DMD: variants seen among roughly 807,000 people sequenced by gnomAD.
The protein encoded by DMD is dystrophin.
Under a neutral mutation model 330.1 loss-of-function variants are expected in DMD, and 63 were observed. That is an observed-to-expected ratio of 0.19 (90% CI 0.16 to 0.24). The LOEUF is 0.24. Ranked by LOEUF, DMD falls within the 10% of genes least tolerant of loss-of-function variation. The probability of loss-of-function intolerance (pLI) is 1.00; values close to 1 mark genes in which losing one functional copy is unlikely to be tolerated. For synonymous variants in DMD, 1,223 were observed against 959.8 expected, an observed-to-expected ratio of 1.27 and a Z score of -5.07; for missense variants, 3,344 against 2,684.1, an observed-to-expected ratio of 1.25 and a Z score of -5.43.
intron 7 of DMD, among the ~76,000 whole-genome samples, chrX:32,729,084 G>T (rs936190516): frequency 8.0e-5 from 9 of 111,927 alleles, no homozygotes; most frequent in Non-Finnish European, 1.3e-4. Context: ...GTTCAATACA[G>T]GTTGAACATC....
chrX:32,927,582 G>T (rs2089181778), intron 2 of DMD, among the ~76,000 whole-genome samples: 1 of 110,621 alleles, frequency 9.0e-6, no homozygotes, highest in African/African-American at 3.3e-5. Flanking sequence ...ACAGACAAAT[G>T]ATGGAGAAAA....
chrX:33,272,677 A>C lies in DMD; in HGVS notation c.7+66582T>G, dbSNP rs746193662. Among the ~76,000 whole-genome samples, 344 of 104,495 alleles carry C rather than the reference A, an allele frequency of 3.3e-3. 1 individual carries two copies. Among genetic ancestry groups the C allele is most frequent in the African/African-American group, 0.013 (329 of 25,953 alleles). The allele number at this position is 104,495 out of a possible 115,157, so 90.7% of individuals were successfully genotyped here. A position where few individuals can be genotyped will look rare whatever the true frequency, so the allele number is the denominator to read the frequency against. ...TGACATCAAAATGAAAAAAAAAAAA[A>C]ACACACACACACAAGAAAATGACGC... On this transcript the variant is annotated intron_variant, in intron 1 of 17. Transcript: ENST00000288447.
chrX:32,171,342 T>C (rs997891326), intron 44 of DMD, among the ~76,000 whole-genome samples: 1 of 111,436 alleles, frequency 9.0e-6, no homozygotes, highest in Non-Finnish European at 1.9e-5. Context: ...ACAATAATAG[T>C]TCTTCTTTTT....
chrX:31,992,196 C>T (rs769696621), intron 44 of DMD, among the ~76,000 whole-genome samples: 71 of 111,721 alleles, frequency 6.4e-4, no homozygotes, highest in African/African-American at 2.3e-3. Context: ...AAAACCAAAT[C>T]TATAGAGAGA....
Position 32,327,256 on chromosome X carries a change from T to C in DMD, c.5922+14844A>G, listed in dbSNP as rs770427219. Among the ~76,000 whole-genome samples, 67 of 110,923 alleles carry C rather than the reference T, an allele frequency of 6.0e-4. 1 individual carries two copies. Among genetic ancestry groups the C allele is most frequent in the African/African-American group, 2.0e-3 (61 of 30,578 alleles). On this transcript the variant is annotated intron_variant, in intron 41 of 78. Transcript: ENST00000357033. ...ACCTCTTTAATCAAAGCAAAATTTT[T>C]AAAAAATCTCCAAAAAAGGATTTGG...
At chrX:31,360,058 A>T (rs1179326919) in intron 60 of DMD, among the ~76,000 whole-genome samples, 3 of 103,461 alleles carry the variant, frequency 2.9e-5, no homozygotes, top group African/African-American at 1.1e-4. Context: ...AGAATGAGCA[A>T]TTTTTTTTTT....
At chrX:32,465,257 T>C (rs1194652421) in intron 23 of DMD, among the ~76,000 whole-genome samples, 3 of 111,849 alleles carry the variant, frequency 2.7e-5, no homozygotes, top group African/African-American at 9.8e-5. Flanking sequence ...CATCATCTTT[T>C]ATCATTTATA....
chrX:31,640,579 G>A (rs1041988224), intron 54 of DMD, among the ~76,000 whole-genome samples: 2 of 112,302 alleles, frequency 1.8e-5, no homozygotes, highest in Non-Finnish European at 3.8e-5. Flanking sequence ...TTGGTAAACG[G>A]TGCATTAAAA....
intron 44 of DMD, among the ~76,000 whole-genome samples, chrX:32,082,779 T>A (rs2096403444): frequency 8.9e-6 from 1 of 111,893 alleles, no homozygotes; most frequent in Non-Finnish European, 1.9e-5. Flanking sequence ...AAGTCCTATG[T>A]AAATTGAAGA....
intron 50 of DMD, among the ~76,000 whole-genome samples, chrX:31,803,990 T>C (rs1055124540): frequency 1.8e-5 from 2 of 111,194 alleles, no homozygotes; most frequent in African/African-American, 6.6e-5. Context: ...TGAGCCACCG[T>C]GCCTGGCCTC....
At position 32,795,557 on chromosome X, in the gene DMD, A is replaced by G. The variant is rs2076122164; in HGVS notation, c.649+13936T>C. On this transcript the variant is annotated intron_variant, in intron 7 of 78. Coordinates refer to ENST00000357033, the MANE Select transcript of DMD (RefSeq NM_004006.3). ...AACAGACAGGACCTTGGTCTAGGCA[A>G]AGATTTTATGGTTATGACCTCAAAA... Among the ~76,000 whole-genome samples the G allele has an allele frequency of 2.7e-5, 3 of 112,081 alleles. No homozygotes were observed. In the Admixed American group the frequency reaches 2.8e-4, roughly 11 times the overall value.
intron 1 of DMD, among the ~76,000 whole-genome samples, chrX:33,150,479 A>T (rs2048233462): frequency 9.2e-6 from 1 of 109,058 alleles, no homozygotes; most frequent in African/African-American, 3.3e-5. Context: ...TGTTTAGTAG[A>T]GTTGGGGTTT....
chrX:32,679,172 G>A lies in DMD; in HGVS notation c.960+18698C>T, dbSNP rs750288761. The stretch of plus-strand genomic sequence containing the variant: ...AGCCAATGCTTAGTCCAGTGTTATA[G>A]TTGAGCCTTTTGTATTTCTACAGTT... On this transcript the variant is annotated intron_variant, in intron 9 of 78. Transcript: ENST00000357033. 1.3e-3 allele frequency among the ~76,000 whole-genome samples: 151 copies of A among 112,148 alleles called. 9 individuals carry two copies. The highest frequency in any genetic ancestry group is 3.9e-4 in the Non-Finnish European group (21 of 53,230).
intron 19 of DMD, among the ~76,000 whole-genome samples, chrX:32,498,110 T>A (rs760249035): frequency 3.6e-5 from 4 of 111,372 alleles, no homozygotes; most frequent in African/African-American, 1.3e-4. Context: ...AATACATCAC[T>A]AGATACCTGG....
intron 1 of DMD, among the ~76,000 whole-genome samples, chrX:33,248,498 T>G (rs1408471180): frequency 8.9e-6 from 1 of 112,217 alleles, no homozygotes; most frequent in Non-Finnish European, 1.9e-5. Context: ...CTATTTTATT[T>G]TTTCACCCAT....
At chrX:31,945,678 T>C (rs966967952) in intron 45 of DMD, among the ~76,000 whole-genome samples, 1 of 111,979 alleles carries the variant, frequency 8.9e-6, no homozygotes, top group African/African-American at 3.2e-5. Flanking sequence ...AAACCATACA[T>C]ATATATAGAA....
At chrX:31,470,842 C>T (rs2067242627) in intron 59 of DMD, among the ~76,000 whole-genome samples, 1 of 112,140 alleles carries the variant, frequency 8.9e-6, no homozygotes, top group South Asian at 3.7e-4. Context: ...TCAGAGATGC[C>T]CTGCCCAGAG....
At chrX:31,881,396 C>CAAAAAAAA (rs34731646) in intron 47 of DMD, among the ~76,000 whole-genome samples, 3 of 81,029 alleles carry the variant, frequency 3.7e-5, no homozygotes, top group Non-Finnish European at 4.8e-5. Flanking sequence ...ACTAAAAATA[C>CAAAAAAAA]AAAAAAAAAA....
chrX:31,209,240 C>T (rs1569467256), intron 65 of DMD, among the ~76,000 whole-genome samples: 3 of 111,726 alleles, frequency 2.7e-5, no homozygotes, highest in South Asian at 3.8e-4. Context: ...GGCTATATGT[C>T]GACTCATTCC....
Sources: allele counts gnomAD v4.1 joint callset (sites outside exome capture counted in the v4.1 genomes callset), GRCh38; gene constraint gnomAD v4.1.1; transcripts MANE v1.5; gene names NCBI Gene and HGNC (gene_info 2026-07-23, HGNC 2026-07-21).